RBFOX1: variants seen among roughly 807,000 people sequenced by gnomAD.
RBFOX1 encodes RNA binding fox-1 homolog 1.
RBFOX1 carries 8 observed loss-of-function variants against 57.7 expected under a neutral mutation model. That is an observed-to-expected ratio of 0.14 (90% CI 0.08 to 0.25). The LOEUF is 0.25. Ranked by LOEUF, RBFOX1 falls within the 10% of genes least tolerant of loss-of-function variation. RBFOX1 has a pLI of 1.00. For missense variants in RBFOX1, 611 were observed against 548.5 expected (o/e 1.11, Z -1.14); for synonymous variants, 326 against 222.4 (o/e 1.47, Z -4.15).
intron 3 of RBFOX1, among the ~76,000 whole-genome samples, chr16:6,840,960 G>A (rs551240234): frequency 1.1e-4 from 16 of 151,770 alleles, no homozygotes; most frequent in Non-Finnish European, 2.1e-4. Context: ...TTAGAGTTAA[G>A]GGTATCTACC....
At chr16:7,222,730 C>T (rs1335972157) in intron 4 of RBFOX1, among the ~76,000 whole-genome samples, 2 of 152,172 alleles carry the variant, frequency 1.3e-5, no homozygotes, top group South Asian at 2.1e-4. Flanking sequence ...ATGCCTGACA[C>T]ACATATGTAT....
At chr16:5,723,758 G>A (rs968628489) in intron 3 of RBFOX1, among the ~76,000 whole-genome samples, 2 of 152,220 alleles carry the variant, frequency 1.3e-5, no homozygotes, top group Non-Finnish European at 2.9e-5. Flanking sequence ...TTGGTCTAAG[G>A]TTGAGTAGCC....
At chr16:7,380,857 C>G (rs1260464491) in intron 4 of RBFOX1, among the ~76,000 whole-genome samples, 1 of 152,178 alleles carries the variant, frequency 6.6e-6, no homozygotes, top group Non-Finnish European at 1.5e-5. Flanking sequence ...TGCTAACCTT[C>G]TTTTCCAAGA....
At chr16:6,824,193 T>C (rs1399746315) in intron 3 of RBFOX1, among the ~76,000 whole-genome samples, 1 of 152,184 alleles carries the variant, frequency 6.6e-6, no homozygotes, top group Non-Finnish European at 1.5e-5. Context: ...TCACCTGAGG[T>C]CAGGAGTTCG....
chr16:5,959,463 A>G (rs1428543940), intron 4 of RBFOX1, among the ~76,000 whole-genome samples: 1 of 152,232 alleles, frequency 6.6e-6, no homozygotes, highest in Admixed American at 6.5e-5. Flanking sequence ...TCAGGAACAT[A>G]CAATGACAGG....
chr16:6,025,035 C>A (rs528686829), intron 1 of RBFOX1, among the ~76,000 whole-genome samples: 5 of 152,246 alleles, frequency 3.3e-5, no homozygotes, highest in Admixed American at 2.6e-4. Flanking sequence ...GCCCTTGTGG[C>A]CTGGGAAGGG....
chr16:6,726,832 C>T (rs1015619340), intron 3 of RBFOX1, among the ~76,000 whole-genome samples: 2 of 151,950 alleles, frequency 1.3e-5, no homozygotes, highest in East Asian at 1.9e-4. Flanking sequence ...TTAAGGAACA[C>T]CAAGTTCTCT....
At chr16:5,766,324 C>T (rs935565392) in intron 3 of RBFOX1, among the ~76,000 whole-genome samples, 2 of 152,102 alleles carry the variant, frequency 1.3e-5, no homozygotes, top group African/African-American at 2.4e-5. Flanking sequence ...CGGTGGCTCA[C>T]GCCTGTAATC....
intron 1 of RBFOX1, among the ~76,000 whole-genome samples, chr16:5,374,714 GTT>G (rs60956026): frequency 1.4e-5 from 2 of 144,354 alleles, no homozygotes; most frequent in Non-Finnish European, 1.5e-5. Flanking sequence ...ATCTCTATGT[GTT>G]TTTTTTTTTT....
intron 3 of RBFOX1, among the ~76,000 whole-genome samples, chr16:5,613,760 G>A (rs141278290): frequency 2.2e-3 from 333 of 152,132 alleles, no homozygotes; most frequent in African/African-American, 7.6e-3. Context: ...CCAAGTTCAA[G>A]GTTCTGTCAT....
At chr16:6,885,136 C>G (rs2063725375) in intron 3 of RBFOX1, among the ~76,000 whole-genome samples, 1 of 152,168 alleles carries the variant, frequency 6.6e-6, no homozygotes, top group Admixed American at 6.5e-5. Flanking sequence ...AAGTCTCAAG[C>G]TCTGACTGGA....
At position 6,867,995 on chromosome 16, in the gene RBFOX1, C is replaced by G. The variant is rs181053873; in HGVS notation, c.-15-184062C>G. ...TTTTGATTTCTGTACTTGATTTTTT[C>G]TGAGAAGCTGAAACTACTATACTTC... is the stretch of plus-strand genomic sequence containing the variant. On this transcript the variant is annotated intron_variant, in intron 3 of 15. Coordinates refer to ENST00000550418, the MANE Select transcript of RBFOX1 (RefSeq NM_018723.4). Among the ~76,000 whole-genome samples the G allele has an allele frequency of 3.3e-3, 501 of 152,178 alleles. 1 individual carries two copies. The highest frequency in any genetic ancestry group is 5.6e-3 in the Non-Finnish European group (383 of 68,000).
intron 3 of RBFOX1, among the ~76,000 whole-genome samples, chr16:6,884,845 C>T (rs764046045): frequency 1.3e-5 from 2 of 152,162 alleles, no homozygotes; most frequent in African/African-American, 4.8e-5. Flanking sequence ...TGGCAGTCAG[C>T]CCAGAGTGCT....
intron 2 of RBFOX1, among the ~76,000 whole-genome samples, chr16:6,636,823 ATATGTT>A (rs2098439071): frequency 3.1e-5 from 1 of 32,484 alleles, no homozygotes; most frequent in African/African-American, 6.2e-5. Flanking sequence ...AATATATAAT[ATATGTT>A]ATATATAATA....
At chr16:6,354,027 C>T (rs574541478) in intron 2 of RBFOX1, among the ~76,000 whole-genome samples, 1 of 152,222 alleles carries the variant, frequency 6.6e-6, no homozygotes, top group Non-Finnish European at 1.5e-5. Flanking sequence ...GAAGACCAGC[C>T]TCACCAATAT....
intron 2 of RBFOX1, among the ~76,000 whole-genome samples, chr16:6,459,534 C>G (rs891894088): frequency 6.6e-6 from 1 of 152,074 alleles, no homozygotes; most frequent in Admixed American, 6.5e-5. Flanking sequence ...AGTCACTGAC[C>G]TCTATATCTC....
At chr16:6,417,958 G>A (rs2093670825) in intron 2 of RBFOX1, among the ~76,000 whole-genome samples, 2 of 148,550 alleles carry the variant, frequency 1.3e-5, no homozygotes, top group African/African-American at 2.5e-5. Flanking sequence ...TAATCCTTGG[G>A]GAGTGCTCAG....
At chr16:7,514,952 AT>A (rs1400699962) in intron 4 of RBFOX1, among the ~76,000 whole-genome samples, 1 of 152,200 alleles carries the variant, frequency 6.6e-6, no homozygotes, top group Non-Finnish European at 1.5e-5. Flanking sequence ...TTGTCTTCAT[AT>A]GATCATTGTC....
chr16:6,747,604 C>T (rs114305164), intron 3 of RBFOX1, among the ~76,000 whole-genome samples: 2 of 152,136 alleles, frequency 1.3e-5, no homozygotes, highest in African/African-American at 4.8e-5. Flanking sequence ...TGGGTCTTCT[C>T]TTTAAACATC....
Sources: gnomAD v4.1 joint callset for allele counts (sites outside exome capture counted in the v4.1 genomes callset) on GRCh38, gnomAD v4.1.1 for gene constraint, MANE v1.5 for transcripts, NCBI Gene and HGNC (gene_info 2026-07-23, HGNC 2026-07-21) for gene names.